The following KDM4C variants were observed in gnomAD, a reference collection of about 807,000 sequenced individuals.
KDM4C encodes the protein lysine demethylase 4C, also known as lysine-specific demethylase 4C.
Under a neutral mutation model 129.3 loss-of-function variants are expected in KDM4C, and 81 were observed. The ratio of observed to expected loss-of-function variants is 0.63; its 90% CI spans 0.52 to 0.75. The LOEUF is 0.75. Among genes scored for constraint, KDM4C ranks in the 30% least tolerant of loss-of-function variants. The pLI is 0.00. For synonymous variants in KDM4C, 573 were observed against 456.1 expected, an observed-to-expected ratio of 1.26 and a Z score of -3.26; for missense variants, 1,457 against 1,304.0, an observed-to-expected ratio of 1.12 and a Z score of -1.81.
rs1453067058 is a variant in KDM4C at position 7,021,099 on chromosome 9, C to G, written c.2259+5170C>G. Among the ~76,000 whole-genome samples, 3 of 148,648 alleles carry G rather than the reference C, an allele frequency of 2.0e-5. No individual in the cohort carries two copies. The Admixed American group carries it at 2.0e-4, about 10-fold the overall frequency. On this transcript the variant is annotated intron_variant, in intron 15 of 21. Transcript: ENST00000381309. ...AGCACCTTTTCATACACCTGTTTGT[C>G]ATTTGTACATACATATATATATGTG...
At chr9:7,094,379 G>T (rs1836165240) in intron 17 of KDM4C, among the ~76,000 whole-genome samples, 1 of 151,716 alleles carries the variant, frequency 6.6e-6, no homozygotes, top group Non-Finnish European at 1.5e-5. Flanking sequence ...TAAGTTTTAG[G>T]GTACATGTGC....
rs543830798 is a variant in KDM4C at position 6,737,424 on chromosome 9, G to A, written c.49+16427G>A. Among the ~76,000 whole-genome samples, 85 of 151,298 alleles carry A rather than the reference G, an allele frequency of 5.6e-4. No individual in the cohort carries two copies. The South Asian group carries it at 6.5e-3, about 12-fold the overall frequency. ...GCCTGTAATCTCAGCACTTTGGGAG[G>A]CCGAGGCAGATGGATCACCTGAGGT... is the stretch of plus-strand genomic sequence containing the variant. On this transcript the variant is annotated intron_variant, in intron 1 of 17. Transcript: ENST00000536108.
chr9:7,127,232 G>A (rs1455553405), intron 18 of KDM4C, among the ~76,000 whole-genome samples: 2 of 152,140 alleles, frequency 1.3e-5, no homozygotes, highest in Non-Finnish European at 2.9e-5. Context: ...AGATTTAAGA[G>A]GAACAGGACA....
At chr9:6,801,541 C>G (rs1454497251) in intron 2 of KDM4C, among the ~76,000 whole-genome samples, 1 of 150,654 alleles carries the variant, frequency 6.6e-6, no homozygotes, top group Non-Finnish European at 1.5e-5. Context: ...CCAGCCTGAC[C>G]TTGTCTCTTA....
chr9:6,918,955 G>A (rs1487341497), intron 8 of KDM4C, among the ~76,000 whole-genome samples: 1 of 151,982 alleles, frequency 6.6e-6, no homozygotes, highest in Non-Finnish European at 1.5e-5. Context: ...GGGTTCAAGC[G>A]ATTCTCCTGC....
At chr9:6,805,839 A>T in intron 3 of KDM4C, 65 bp downstream of exon 3, 1 of 1,438,048 alleles carries the variant, frequency 7.0e-7, no homozygotes, top group Non-Finnish European at 9.5e-7. Flanking sequence ...TTAAGAAACA[A>T]AGTAGACAGA....
At chr9:6,787,203 C>A (rs1825666823) in intron 1 of KDM4C, among the ~76,000 whole-genome samples, 1 of 152,172 alleles carries the variant, frequency 6.6e-6, no homozygotes, top group South Asian at 2.1e-4. Flanking sequence ...TTAACAATTT[C>A]TGTGCCTCAA....
At chr9:7,157,109 G>A (rs903683476) in intron 19 of KDM4C, among the ~76,000 whole-genome samples, 168 of 152,170 alleles carry the variant, frequency 1.1e-3, no homozygotes, top group African/African-American at 4.0e-3. Flanking sequence ...TATTTTCTTT[G>A]TAGCAGTTGT....
chr9:7,169,914 G>A, intron 21 of KDM4C, 24 bp downstream of exon 21: 1 of 1,613,540 alleles, frequency 6.2e-7, no homozygotes. Context: ...GATGCCACTT[G>A]GGGACCTGCC....
chr9:6,779,532 C>G (rs1588208487), intron 1 of KDM4C, among the ~76,000 whole-genome samples: 2 of 152,312 alleles, frequency 1.3e-5, no homozygotes, highest in Middle Eastern at 6.8e-3. Context: ...CTCCCCAGAT[C>G]TCAGTCAAGG....
intron 1 of KDM4C, among the ~76,000 whole-genome samples, chr9:6,766,156 A>C (rs1474888434): frequency 6.6e-6 from 1 of 152,158 alleles, no homozygotes; most frequent in Non-Finnish European, 1.5e-5. Context: ...GAAATACATG[A>C]ATTTTATATT....
At chr9:7,162,366 G>A (rs572175082) in intron 19 of KDM4C, among the ~76,000 whole-genome samples, 16 of 152,330 alleles carry the variant, frequency 1.1e-4, no homozygotes, top group African/African-American at 3.8e-4. Context: ...GTTAGGAGGA[G>A]GCTGAGCAGT....
chr9:7,134,736 T>G (rs1051009738), intron 19 of KDM4C, among the ~76,000 whole-genome samples: 1 of 152,228 alleles, frequency 6.6e-6, no homozygotes, highest in African/African-American at 2.4e-5. Flanking sequence ...ATTACCATAT[T>G]GGCTAGGAGT....
chr9:6,920,944 T>C (rs1054648856), intron 8 of KDM4C, among the ~76,000 whole-genome samples: 2 of 152,178 alleles, frequency 1.3e-5, no homozygotes, highest in East Asian at 3.8e-4. Context: ...CACCAAATTA[T>C]ATTATTTAAA....
At chr9:6,823,415 T>C (rs575867160) in intron 4 of KDM4C, among the ~76,000 whole-genome samples, 2 of 152,326 alleles carry the variant, frequency 1.3e-5, no homozygotes, top group Admixed American at 1.3e-4. Flanking sequence ...AGACTGAGAA[T>C]TTCCTGTGTG....
chr9:7,129,424 G>C (rs147403372), intron 19 of KDM4C, among the ~76,000 whole-genome samples: 145 of 152,286 alleles, frequency 9.5e-4, no homozygotes, highest in African/African-American at 3.4e-3. Flanking sequence ...ACAGTGAATT[G>C]TGTTTCTTAC....
At chr9:6,807,121 C>T (rs1192459621) in intron 3 of KDM4C, among the ~76,000 whole-genome samples, 2 of 151,902 alleles carry the variant, frequency 1.3e-5, no homozygotes, top group African/African-American at 2.4e-5. Flanking sequence ...AGCCCCTAAC[C>T]GCGAGTGATC....
At chr9:6,992,240 C>T (rs548416905) in intron 12 of KDM4C, among the ~76,000 whole-genome samples, 3 of 152,208 alleles carry the variant, frequency 2.0e-5, no homozygotes, top group South Asian at 4.1e-4. Context: ...CTCCTGTGTC[C>T]TTATTTGCCT....
intron 12 of KDM4C, among the ~76,000 whole-genome samples, chr9:6,994,252 A>G (rs1410208656): frequency 6.6e-6 from 1 of 152,094 alleles, no homozygotes; most frequent in African/African-American, 2.4e-5. Context: ...CAGGCCACGG[A>G]CTGGTACTAT....
Sources: allele counts gnomAD v4.1 joint callset (sites outside exome capture counted in the v4.1 genomes callset), GRCh38; gene constraint gnomAD v4.1.1; transcripts MANE v1.5; gene names NCBI Gene and HGNC (gene_info 2026-07-23, HGNC 2026-07-21).